The following SLMAP variants were observed in gnomAD, a reference collection of about 807,000 sequenced individuals.
SLMAP encodes sarcolemma associated protein, also known as sarcolemmal membrane-associated protein.
Under a neutral mutation model 128.8 loss-of-function variants are expected in SLMAP, and 44 were observed. The observed-to-expected ratio is 0.34, with a 90% CI of 0.27 to 0.44. The LOEUF is 0.44. SLMAP is among the 20% of genes least tolerant of loss of function. SLMAP has a pLI of 1.00. For synonymous variants in SLMAP, 327 were observed against 348.8 expected, an observed-to-expected ratio of 0.94 and a Z score of 0.70; for missense variants, 787 against 985.3, an observed-to-expected ratio of 0.80 and a Z score of 2.69.
chr3:57,795,231 T>C (rs2086446257), intron 2 of SLMAP, among the ~76,000 whole-genome samples: 1 of 152,208 alleles, frequency 6.6e-6, no homozygotes, highest in Non-Finnish European at 1.5e-5. Flanking sequence ...TGGAGAAATA[T>C]TGATTTATAT....
intron 3 of SLMAP, among the ~76,000 whole-genome samples, chr3:57,833,479 T>C (rs1408039340): frequency 6.6e-6 from 1 of 152,004 alleles, no homozygotes; most frequent in Non-Finnish European, 1.5e-5. Flanking sequence ...TGGAGTGCAG[T>C]GGCACCATCT....
In SLMAP at chr3:57,853,042, G is replaced by T. The variant is rs556181777; in HGVS notation, c.519+3226G>T. Among the ~76,000 whole-genome samples the T allele has an allele frequency of 2.0e-4, 31 of 152,334 alleles. 1 individual carries two copies. The South Asian group carries it at 5.6e-3, about 27-fold the overall frequency. On this transcript the variant is annotated intron_variant, in intron 6 of 24. Coordinates refer to ENST00000671191, the MANE Select transcript of SLMAP (RefSeq NM_001377540.1). ...CATATTAGATTTCTGTTAGGATATAGTTCATGGAGTTAAACTCTAAATGGA... is the reference window on the plus strand; with the variant it reads ...CATATTAGATTTCTGTTAGGATATATTTCATGGAGTTAAACTCTAAATGGA...
rs186740883 is a variant in SLMAP at position 57,852,543 on chromosome 3, T to A, written c.519+2727T>A. Among the ~76,000 whole-genome samples, 41 of 152,298 alleles carry A rather than the reference T, an allele frequency of 2.7e-4. No homozygotes were observed. In the East Asian group the frequency reaches 7.7e-3, roughly 29 times the overall value. On this transcript the variant is annotated intron_variant, in intron 6 of 24. Transcript: ENST00000671191. Reference sequence around the variant, plus strand: ...CACAGAATTGTGAAGAATAAAAAAATTAATATATGTAAAGCACTTAGAACA... The same window carrying A: ...CACAGAATTGTGAAGAATAAAAAAAATAATATATGTAAAGCACTTAGAACA...
chr3:57,778,939 TC>T (rs1338469757), intron 2 of SLMAP, among the ~76,000 whole-genome samples: 2 of 152,194 alleles, frequency 1.3e-5, no homozygotes, highest in Admixed American at 1.3e-4. Context: ...GCAGTTCTTC[TC>T]CTAGGTATAT....
At chr3:57,808,260 A>G (rs2090287763) in intron 2 of SLMAP, among the ~76,000 whole-genome samples, 1 of 151,320 alleles carries the variant, frequency 6.6e-6, no homozygotes, top group Admixed American at 6.6e-5. Context: ...TATCTCCTTT[A>G]GTTCTGCTCT....
chr3:57,884,563 T>C (rs1370991811), intron 14 of SLMAP, among the ~76,000 whole-genome samples: 2 of 152,148 alleles, frequency 1.3e-5, no homozygotes, highest in Admixed American at 1.3e-4. Flanking sequence ...TAAATAGCAA[T>C]TTGGGAGGCC....
rs1322690546 is a variant in SLMAP, at chr3:57,908,005, A to G, written c.1623A>G (p.Gln541=). ...GTAAACAAAAATGCTTTGAACTTCA[A>G]GGTGAGATCAAGATTACTTTGGTTC... The part of the protein sequence containing the change: ...RTSKQKCFEL[Q]ALLEEERKAY... Residue 541 remains glutamine, a splice_region_variant and synonymous_variant, in exon 18 of 25, where the codon CAA becomes CAG. Coordinates refer to ENST00000671191, the MANE Select transcript of SLMAP (RefSeq NM_001377540.1). 2.5e-6 allele frequency: 4 copies of G among 1,613,156 alleles called. No homozygotes were observed. Among genetic ancestry groups the G allele is most frequent in the Non-Finnish European group, 3.4e-6 (4 of 1,179,494 alleles).
Position 57,852,490 on chromosome 3 carries a change from A to G in SLMAP, c.519+2674A>G, listed in dbSNP as rs1410766979. Among the ~76,000 whole-genome samples, 5 of 152,178 alleles carry G rather than the reference A, an allele frequency of 3.3e-5. No individual in the cohort carries two copies. The East Asian group carries it at 9.6e-4, about 29-fold the overall frequency. The stretch of plus-strand genomic sequence containing the variant: ...TGTGCCTCATTTTCCTCATCTGTGA[A>G]ATGGATATAGTAATAGCACTTAACT... On this transcript the variant is annotated intron_variant, in intron 6 of 24. Transcript: ENST00000671191.
At chr3:57,818,740 A>T (rs1430157501) in intron 2 of SLMAP, among the ~76,000 whole-genome samples, 1 of 152,238 alleles carries the variant, frequency 6.6e-6, no homozygotes, top group Non-Finnish European at 1.5e-5. Context: ...GAAAGAAATC[A>T]GCAATGCTTT....
At chr3:57,867,642 G>T (rs982671487) in intron 13 of SLMAP, among the ~76,000 whole-genome samples, 7 of 152,048 alleles carry the variant, frequency 4.6e-5, no homozygotes, top group African/African-American at 1.7e-4. Context: ...AATAAGATGC[G>T]TCACTTAATT....
chr3:57,912,668 G>A lies in SLMAP; in HGVS notation c.1987G>A (p.Asp663Asn). Residue 663 changes from aspartate (D) to asparagine (N), a missense_variant, in exon 20 of 25, where the codon GAC (aspartate) becomes AAC (asparagine). Transcript: ENST00000671191. The stretch of plus-strand genomic sequence containing the variant: ...TCAGCTTAGATGTCAACAGTGTGAG[G>A]ACCAGCAGAGAGAAGAAGCAACAAG... ...SFQLRCQQCE[D>N]QQREEATRLQ... 1.9e-6 allele frequency: 3 copies of A among 1,612,870 alleles called. No individual in the cohort carries two copies. The highest frequency in any genetic ancestry group is 2.5e-6 in the Non-Finnish European group (3 of 1,179,094).
chr3:57,833,018 G>A (rs149277634), intron 3 of SLMAP, among the ~76,000 whole-genome samples: 4 of 152,086 alleles, frequency 2.6e-5, no homozygotes, highest in Non-Finnish European at 4.4e-5. Flanking sequence ...ACAGTAAACC[G>A]AGCTCATTAA....
intron 5 of SLMAP, among the ~76,000 whole-genome samples, chr3:57,849,135 C>T (rs1233362624): frequency 6.6e-6 from 1 of 150,378 alleles, no homozygotes; most frequent in Admixed American, 6.6e-5. Context: ...GTGATCCATC[C>T]CCCTCGGCCT....
chr3:57,903,507 G>C (rs1205577985), intron 17 of SLMAP, among the ~76,000 whole-genome samples: 3 of 152,224 alleles, frequency 2.0e-5, no homozygotes, highest in Non-Finnish European at 2.9e-5. Flanking sequence ...AAGTGGATCA[G>C]TGTGTCAGAG....
At position 57,912,474 on chromosome 3, in the gene SLMAP, G is replaced by A. The variant is rs1425284328; in HGVS notation, c.1793G>A (p.Arg598Gln). 8.1e-6 allele frequency: 13 copies of A among 1,614,014 alleles called. No homozygotes were observed. The highest frequency in any genetic ancestry group is 2.7e-5 in the African/African-American group (2 of 74,930). ...ACTAGAGATGAATTGCTTAGTGCCC[G>A]AGATGAAATTTTGCTCCTTCATCAA... is the stretch of plus-strand genomic sequence containing the variant. ...TSTRDELLSARDEILLLHQAA... is the reference protein window; with the variant it reads ...TSTRDELLSAQDEILLLHQAA... The change falls in exon 20 of 25, where the codon CGA becomes CAA. Residue 598 changes from arginine (R) to glutamine (Q), a missense_variant. By Grantham distance (43) the Arg-to-Gln change is conservative. Around this residue, in one of 2 missense-constraint regions of SLMAP, gnomAD observed 715 missense variants for 843.6 expected, o/e 0.85. Transcript: ENST00000671191.
intron 2 of SLMAP, among the ~76,000 whole-genome samples, chr3:57,796,683 ATG>A (rs1367744915): frequency 1.3e-5 from 2 of 152,342 alleles, no homozygotes; most frequent in African/African-American, 2.4e-5. Context: ...TTACATAAAG[ATG>A]TGTGTATAAC....
chr3:57,906,303 TTTTTTTC>T (rs1490972529), intron 17 of SLMAP, among the ~76,000 whole-genome samples: 6 of 117,030 alleles, frequency 5.1e-5, no homozygotes, highest in Non-Finnish European at 1.0e-4. Flanking sequence ...TTTTTTTCTT[TTTTTTTC>T]TTTTTTTTTT....
chr3:57,922,611 T>C (rs947257440), intron 22 of SLMAP, among the ~76,000 whole-genome samples: 5 of 151,984 alleles, frequency 3.3e-5, no homozygotes, highest in Non-Finnish European at 7.4e-5. Context: ...GTATTTTTAG[T>C]AGAGATGGGG....
At chr3:57,878,675 A>G (rs759354899) in intron 14 of SLMAP, among the ~76,000 whole-genome samples, 1 of 152,234 alleles carries the variant, frequency 6.6e-6, no homozygotes, top group Non-Finnish European at 1.5e-5. Context: ...TAAGTAATGC[A>G]TGACACACTG....
Sources: gnomAD v4.1 joint callset for allele counts (sites outside exome capture counted in the v4.1 genomes callset) on GRCh38, gnomAD v4.1.1 for gene constraint, gnomAD v4.1.1 regional missense constraint, MANE v1.5 for transcripts, NCBI Gene and HGNC (gene_info 2026-07-23, HGNC 2026-07-21) for gene names.